ADGRV1: variants seen among roughly 807,000 people sequenced by gnomAD.
ADGRV1 encodes G-protein coupled receptor 98.
In ADGRV1, 359 loss-of-function variants were observed where a neutral mutation model predicts 596.2. The ratio of observed to expected loss-of-function variants is 0.60; its 90% CI spans 0.55 to 0.66. ADGRV1 has a LOEUF of 0.66. ADGRV1 is among the 30% of genes least tolerant of loss of function. The pLI is 0.00. For synonymous variants in ADGRV1, 2,681 were observed against 2,679.2 expected, an observed-to-expected ratio of 1.00 and a Z score of -0.02; for missense variants, 7,274 against 7,575.6, an observed-to-expected ratio of 0.96 and a Z score of 1.48.
chr5:90,692,342 A>G (rs535091931), intron 31 of ADGRV1, among the ~76,000 whole-genome samples: 1 of 152,168 alleles, frequency 6.6e-6, no homozygotes, highest in Non-Finnish European at 1.5e-5. Context: ...ATTGAGTCAC[A>G]TGATTATATA....
rs1170578408 is a variant in ADGRV1 at position 90,653,253 on chromosome 5, C to T, written c.3679C>T (p.Gln1227Ter). The T allele has an allele frequency of 6.2e-7, 1 of 1,613,314 alleles. No homozygotes were observed. Among genetic ancestry groups the T allele is most frequent in the Non-Finnish European group, 8.5e-7 (1 of 1,179,536 alleles). Residue 1227 changes from glutamine to a stop codon, truncating the protein, a stop_gained, in exon 20 of 90, where the codon CAG (glutamine) becomes TAG (stop). Transcript: ENST00000405460. LOFTEE classifies it high-confidence loss of function. Reference protein sequence around the residue: ...PGGQLAETNLQVTVMVPFNDD... With the variant: ...PGGQLAETNL ...GGGCCAGCTAGCAGAAACCAACCTC[C>T]AGGTGACAGTAATGGTTCCATTCAA...
intron 86 of ADGRV1, among the ~76,000 whole-genome samples, chr5:91,075,354 T>G (rs754888237): frequency 3.7e-4 from 57 of 152,196 alleles, no homozygotes; most frequent in Non-Finnish European, 7.1e-4. Flanking sequence ...TTTTCAATAA[T>G]GCTAACATAG....
At chr5:90,595,296 G>A (rs1760195791) in intron 1 of ADGRV1, among the ~76,000 whole-genome samples, 1 of 60,392 alleles carries the variant, frequency 1.7e-5, no homozygotes, top group Non-Finnish European at 3.1e-5. Context: ...CCGGGCAGAG[G>A]CGCCCCTCAC....
At chr5:91,035,858 A>AT (rs1272823997) in intron 85 of ADGRV1, among the ~76,000 whole-genome samples, 1 of 70,774 alleles carries the variant, frequency 1.4e-5, no homozygotes, top group East Asian at 3.8e-4. Context: ...ATATATATAT[A>AT]TATTATATAT....
At chr5:90,591,688 T>C (rs1759527426) in intron 1 of ADGRV1, among the ~76,000 whole-genome samples, 1 of 152,172 alleles carries the variant, frequency 6.6e-6, no homozygotes, top group Non-Finnish European at 1.5e-5. Context: ...AATTATTGTG[T>C]TAGTAGCTAA....
intron 87 of ADGRV1, among the ~76,000 whole-genome samples, chr5:91,111,631 A>G (rs1792378354): frequency 6.6e-6 from 1 of 152,202 alleles, no homozygotes; most frequent in African/African-American, 2.4e-5. Flanking sequence ...CTCCCTTTGC[A>G]GTTGCTTTCC....
At chr5:90,851,104 T>G (rs79347140) in intron 79 of ADGRV1, among the ~76,000 whole-genome samples, 10 of 78,812 alleles carry the variant, frequency 1.3e-4, no homozygotes, top group African/African-American at 3.2e-4. Flanking sequence ...CTAGGTAGGG[T>G]GTGTGTGTGT....
intron 83 of ADGRV1, among the ~76,000 whole-genome samples, chr5:90,950,429 C>G (rs1776961490): frequency 6.6e-6 from 1 of 152,108 alleles, no homozygotes; most frequent in Non-Finnish European, 1.5e-5. Flanking sequence ...TCAAGAGATT[C>G]TTGTGCCTCA....
intron 85 of ADGRV1, among the ~76,000 whole-genome samples, chr5:91,063,930 A>G (rs1160797855): frequency 1.3e-5 from 2 of 152,180 alleles, no homozygotes; most frequent in Non-Finnish European, 2.9e-5. Flanking sequence ...GACTAGATTC[A>G]GAAGTGCTGT....
intron 84 of ADGRV1, among the ~76,000 whole-genome samples, chr5:90,974,548 C>T (rs1041867025): frequency 1.9e-4 from 29 of 152,134 alleles, no homozygotes; most frequent in African/African-American, 4.3e-4. Context: ...TAATACCACA[C>T]GTCTACAACC....
intron 87 of ADGRV1, among the ~76,000 whole-genome samples, chr5:91,140,080 T>C (rs1794969787): frequency 6.6e-6 from 1 of 152,252 alleles, no homozygotes; most frequent in Admixed American, 6.5e-5. Context: ...TACACCCATG[T>C]GGCTTCAGCT....
chr5:90,912,921 C>A (rs1773023216), intron 83 of ADGRV1, among the ~76,000 whole-genome samples: 1 of 152,140 alleles, frequency 6.6e-6, no homozygotes, highest in Non-Finnish European at 1.5e-5. Flanking sequence ...CCTATATTTT[C>A]CACATTTATT....
chr5:90,985,240 G>C, intron 84 of ADGRV1, 104 bp from the exon 85 acceptor site: 1 of 620,050 alleles, frequency 1.6e-6, no homozygotes, highest in Non-Finnish European at 2.6e-6. Context: ...TTATTAAGTA[G>C]ATCCTGGCCT....
At chr5:90,872,098 T>C (rs186563298) in intron 83 of ADGRV1, among the ~76,000 whole-genome samples, 2 of 152,286 alleles carry the variant, frequency 1.3e-5, no homozygotes, top group East Asian at 3.9e-4. Context: ...TTTTCTGTGC[T>C]TCAGGCTTTC....
At chr5:91,025,434 A>G (rs1783946882) in intron 85 of ADGRV1, among the ~76,000 whole-genome samples, 1 of 152,170 alleles carries the variant, frequency 6.6e-6, no homozygotes, top group African/African-American at 2.4e-5. Flanking sequence ...CCCAAAAAGC[A>G]TATGGGATTT....
intron 53 of ADGRV1, among the ~76,000 whole-genome samples, chr5:90,752,976 A>G (rs1170507336): frequency 6.6e-6 from 1 of 152,000 alleles, no homozygotes; most frequent in Non-Finnish European, 1.5e-5. Context: ...GGTGGGAATC[A>G]GTGAAAAATG....
chr5:90,725,386 G>A (rs1193285507), intron 47 of ADGRV1, among the ~76,000 whole-genome samples, 154 bp downstream of exon 47: 3 of 151,566 alleles, frequency 2.0e-5, no homozygotes, highest in Non-Finnish European at 4.4e-5. Flanking sequence ...ATCTTAATCC[G>A]GGGATATTTT....
intron 50 of ADGRV1, among the ~76,000 whole-genome samples, chr5:90,736,213 G>A (rs986962034): frequency 1.3e-5 from 2 of 151,844 alleles, no homozygotes; most frequent in African/African-American, 2.4e-5. Flanking sequence ...CAAATACTTT[G>A]CATCAATTTA....
At position 90,740,649 on chromosome 5, in the gene ADGRV1, G is replaced by A. The variant is rs118031870; in HGVS notation, c.10550-4397G>A. 2.5e-3 allele frequency among the ~76,000 whole-genome samples: 376 copies of A among 152,254 alleles called. 4 individuals are homozygous for A. Among genetic ancestry groups the A allele is most frequent in the East Asian group, 7.5e-3 (39 of 5,180 alleles). Reference sequence around the variant, plus strand: ...CCAAGATCTGCTTGTCTGTCACTGTGAGCCCTACCCCTGTTCGTTGTTTCT... The same window carrying A: ...CCAAGATCTGCTTGTCTGTCACTGTAAGCCCTACCCCTGTTCGTTGTTTCT... On this transcript the variant is annotated intron_variant, in intron 50 of 89. Transcript: ENST00000405460.
Sources: gnomAD v4.1 joint callset for allele counts (sites outside exome capture counted in the v4.1 genomes callset) on GRCh38, gnomAD v4.1.1 for gene constraint, MANE v1.5 for transcripts, NCBI Gene and HGNC (gene_info 2026-07-23, HGNC 2026-07-21) for gene names.